The following OPCML variants were observed in gnomAD, a reference collection of about 807,000 sequenced individuals.
The protein encoded by OPCML is opioid binding protein/cell adhesion molecule like.
Under a neutral mutation model 37.8 loss-of-function variants are expected in OPCML, and 13 were observed. The ratio of observed to expected loss-of-function variants is 0.34; its 90% CI spans 0.22 to 0.55. OPCML has a LOEUF of 0.55. OPCML is among the 20% of genes least tolerant of loss of function. The pLI is 0.91. For missense variants in OPCML, 341 were observed against 435.6 expected (o/e 0.78, Z 1.93); for synonymous variants, 176 against 168.8 (o/e 1.04, Z -0.33).
In OPCML at chr11:132,976,145, G is replaced by A. The variant is rs550720351; in HGVS notation, c.62-33135C>T. Reference sequence around the variant, plus strand: ...TTATCTGGTCATGATAGAGTGGATCGTTGGAGGTGTATTTTATTGTGAAAA... The same window carrying A: ...TTATCTGGTCATGATAGAGTGGATCATTGGAGGTGTATTTTATTGTGAAAA... On this transcript the variant is annotated intron_variant, in intron 1 of 7. Transcript: ENST00000524381. Among the ~76,000 whole-genome samples the A allele has an allele frequency of 3.9e-5, 6 of 152,270 alleles. No individual in the cohort carries two copies. In the East Asian group the frequency reaches 5.8e-4, roughly 15 times the overall value.
Position 133,404,062 on chromosome 11 carries a change from G to A in OPCML, c.61+128202C>T, listed in dbSNP as rs531545187. Among the ~76,000 whole-genome samples, 13 of 152,332 alleles carry A rather than the reference G, an allele frequency of 8.5e-5. No individual in the cohort carries two copies. In the South Asian group the frequency reaches 2.7e-3, roughly 32 times the overall value. The stretch of plus-strand genomic sequence containing the variant: ...GTTGGCTCCCCCTAGAGGCCCGGAG[G>A]GAGAACCTGTGCTCTGCGGCTCTGC... On this transcript the variant is annotated intron_variant, in intron 1 of 7. Transcript: ENST00000524381.
At chr11:132,946,194 C>T (rs917957078) in intron 1 of OPCML, among the ~76,000 whole-genome samples, 3 of 152,214 alleles carry the variant, frequency 2.0e-5, no homozygotes, top group Non-Finnish European at 2.9e-5. Flanking sequence ...CATTTCCTCA[C>T]ACTGGAAGAG....
At chr11:132,632,134 TAAAA>T (rs138183892) in intron 3 of OPCML, among the ~76,000 whole-genome samples, 1 of 140,176 alleles carries the variant, frequency 7.1e-6, no homozygotes, top group African/African-American at 2.6e-5. Context: ...AGATCCAGCT[TAAAA>T]AAAAAAAAAA....
At chr11:133,058,699 T>C (rs560746615) in intron 1 of OPCML, among the ~76,000 whole-genome samples, 2 of 152,342 alleles carry the variant, frequency 1.3e-5, no homozygotes, top group East Asian at 3.9e-4. Context: ...GCTTCTCCTC[T>C]GTGCTTCTCG....
chr11:133,495,474 T>C (rs1219757785), intron 1 of OPCML, among the ~76,000 whole-genome samples: 1 of 152,216 alleles, frequency 6.6e-6, no homozygotes, highest in Non-Finnish European at 1.5e-5. Flanking sequence ...TTAAGGAATC[T>C]CCACACTGTT....
Position 132,685,277 on chromosome 11 carries a change from T to C in OPCML, c.147-27958A>G, listed in dbSNP as rs111944029. Among the ~76,000 whole-genome samples the C allele has an allele frequency of 6.7e-3, 1,025 of 152,352 alleles. 12 individuals carry two copies. Among genetic ancestry groups the C allele is most frequent in the African/African-American group, 0.023 (972 of 41,590 alleles). ...TGTGTCTGTATGATGTCAGTCTTAG[T>C]TGAATTCAGAATACATATGACATTT... On this transcript the variant is annotated intron_variant, in intron 2 of 7. Coordinates refer to ENST00000524381, the MANE Select transcript of OPCML (RefSeq NM_001012393.5).
intron 4 of OPCML, among the ~76,000 whole-genome samples, chr11:132,504,414 T>C (rs1034797785): frequency 2.6e-5 from 4 of 152,208 alleles, no homozygotes; most frequent in African/African-American, 9.6e-5. Flanking sequence ...CTCCAAGCAA[T>C]GCATATTTAT....
chr11:133,161,038 C>T (rs944206143), intron 1 of OPCML, among the ~76,000 whole-genome samples: 3 of 152,122 alleles, frequency 2.0e-5, no homozygotes, highest in Non-Finnish European at 2.9e-5. Context: ...GGCATTGGGC[C>T]GAATGGGAAT....
chr11:132,768,459 A>C (rs1946531306), intron 2 of OPCML, among the ~76,000 whole-genome samples: 1 of 152,194 alleles, frequency 6.6e-6, no homozygotes, highest in African/African-American at 2.4e-5. Context: ...GCAACATGGG[A>C]AGCATTGAGG....
chr11:132,721,764 T>G (rs1944677387), intron 2 of OPCML, among the ~76,000 whole-genome samples: 1 of 151,800 alleles, frequency 6.6e-6, no homozygotes, highest in South Asian at 2.1e-4. Context: ...GAAGACTGAA[T>G]AGGAAAATAA....
chr11:132,911,860 T>C (rs577276387), intron 2 of OPCML, among the ~76,000 whole-genome samples: 2 of 152,060 alleles, frequency 1.3e-5, no homozygotes, highest in African/African-American at 4.8e-5. Context: ...ATTCCAAGAG[T>C]TGGAGCACTC....
chr11:132,943,128 C>G lies in OPCML; in HGVS notation c.62-118G>C. 2 of 1,613,776 alleles carry G rather than the reference C, an allele frequency of 1.2e-6. No individual in the cohort carries two copies. The highest frequency in any genetic ancestry group is 1.7e-6 in the Non-Finnish European group (2 of 1,179,762). On this transcript the variant is annotated intron_variant, in intron 1 of 7. Coordinates refer to ENST00000524381, the MANE Select transcript of OPCML (RefSeq NM_001012393.5). The surrounding 1 kb of genome is among the most constrained non-coding windows in gnomAD (Gnocchi z 4.3). The stretch of plus-strand genomic sequence containing the variant: ...CACAACTTCCCAGGACTCCGGCAGC[C>G]GCACAGTCCTGGTCCCCCGCCCCGC...
intron 1 of OPCML, among the ~76,000 whole-genome samples, chr11:133,198,442 A>C (rs543621507): frequency 6.6e-6 from 1 of 152,398 alleles, no homozygotes; most frequent in African/African-American, 2.4e-5. Flanking sequence ...GCTCTGCTCT[A>C]GGGAGCCCAT....
chr11:132,476,406 C>T (rs2096155778), intron 4 of OPCML, among the ~76,000 whole-genome samples: 2 of 151,990 alleles, frequency 1.3e-5, no homozygotes, highest in South Asian at 4.2e-4. Context: ...TTTATTGCGG[C>T]ACTATTCACA....
intron 3 of OPCML, among the ~76,000 whole-genome samples, chr11:132,631,352 C>CATATATATATATATATATATATATATAT (rs61450463): frequency 7.0e-6 from 1 of 142,752 alleles, no homozygotes. Context: ...ACCATATATA[C>CATATATATATATATATATATATATATAT]ATATATATAT....
intron 7 of OPCML, among the ~76,000 whole-genome samples, chr11:132,426,260 A>C (rs1460797160): frequency 6.6e-6 from 1 of 152,210 alleles, no homozygotes; most frequent in Admixed American, 6.5e-5. Context: ...GAAATGACAA[A>C]GGGATCCATT....
At chr11:132,578,547 T>C (rs1000173667) in intron 3 of OPCML, among the ~76,000 whole-genome samples, 8 of 152,206 alleles carry the variant, frequency 5.3e-5, no homozygotes, top group African/African-American at 1.9e-4. Context: ...GGTATGACAG[T>C]TCCAAAGCCT....
rs573269921 is a variant in OPCML at position 132,702,186 on chromosome 11, AAGTT to A, written c.147-44871_147-44868del. Among the ~76,000 whole-genome samples the A allele has an allele frequency of 2.2e-4, 34 of 152,318 alleles. No individual in the cohort carries two copies. The East Asian group carries it at 6.6e-3, about 29-fold the overall frequency. ...TACATTGCACATATTTTCTTGCTGT[AAGTT>A]AGTGTTCTCTCATTCCAACTTGAAA... On this transcript the variant is annotated intron_variant, in intron 2 of 7. Coordinates refer to ENST00000524381, the MANE Select transcript of OPCML (RefSeq NM_001012393.5).
chr11:132,867,586 A>G (rs1942623817), intron 2 of OPCML, among the ~76,000 whole-genome samples: 1 of 152,234 alleles, frequency 6.6e-6, no homozygotes, highest in South Asian at 2.1e-4. Flanking sequence ...AGAGCACACC[A>G]GTGAATCTGC....
Sources: gnomAD v4.1 joint callset for allele counts (sites outside exome capture counted in the v4.1 genomes callset) on GRCh38, gnomAD v4.1.1 for gene constraint, Gnocchi (gnomAD v3.1) non-coding constraint, MANE v1.5 for transcripts, NCBI Gene and HGNC (gene_info 2026-07-23, HGNC 2026-07-21) for gene names.